Variants in ATXN10 observed in about 807,000 individuals in gnomAD.
ATXN10 encodes the protein ataxin-10.
Under a neutral mutation model 52.9 loss-of-function variants are expected in ATXN10, and 28 were observed. That is an observed-to-expected ratio of 0.53 (90% confidence interval 0.39 to 0.73). ATXN10 has a LOEUF of 0.73. ATXN10 is among the 30% of genes least tolerant of loss of function. The pLI, the probability that ATXN10 is intolerant of heterozygous loss-of-function variation, is 0.00. For synonymous variants in ATXN10, 226 were observed against 221.5 expected, an observed-to-expected ratio of 1.02 and a Z score of -0.18; for missense variants, 565 against 577.0, an observed-to-expected ratio of 0.98 and a Z score of 0.21.
Position 45,793,762 on chromosome 22 carries a change from C to T in ATXN10, c.1174-13197C>T, listed in dbSNP as rs762029947. ...TGCCACCCCCGATTCCTGCCTTTCC[C>T]CAGTGATGCAGGACAGGTAAGCCCC... On this transcript the variant is annotated intron_variant, in intron 9 of 11. Coordinates refer to ENST00000252934, the MANE Select transcript of ATXN10 (RefSeq NM_013236.4). 7.1e-6 allele frequency: 10 copies of T among 1,408,336 alleles called. No homozygotes were observed. In the South Asian group the frequency reaches 1.6e-4, roughly 23 times the overall value. The allele number at this position is 1,408,336 out of a possible 1,614,324, so 87.2% of individuals were successfully genotyped here.
chr22:45,782,985 C>G (rs1927202867), intron 9 of ATXN10, among the ~76,000 whole-genome samples: 1 of 152,186 alleles, frequency 6.6e-6, no homozygotes, highest in Admixed American at 6.5e-5. Context: ...CAATAGATTG[C>G]TTACAATTTC....
chr22:45,685,519 G>T (rs746750218), intron 1 of ATXN10, among the ~76,000 whole-genome samples: 1 of 152,146 alleles, frequency 6.6e-6, no homozygotes, highest in South Asian at 2.1e-4. Flanking sequence ...AATAACTTTT[G>T]TAATATTGGA....
rs1926314663 is a variant in ATXN10, at chr22:45,759,790, G to A, written c.1173+19252G>A. The stretch of plus-strand genomic sequence containing the variant: ...GAGCTAAGGGACCATATAACAGTCA[G>A]CACTGTCCATCGCTTGCTTCTCTCT... On this transcript the variant is annotated intron_variant, in intron 9 of 11. Transcript: ENST00000252934. This position sits in a 1 kb window ranked among gnomAD's most constrained non-coding sequence, Gnocchi z 5.4. 6.6e-6 allele frequency among the ~76,000 whole-genome samples: 1 copy of A among 152,198 alleles called. No homozygotes were observed. The highest frequency in any genetic ancestry group is 6.5e-5 in the Admixed American group (1 of 15,290).
chr22:45,795,441 C>T lies in ATXN10; in HGVS notation c.1174-11518C>T, dbSNP rs1927700436. 7.2e-6 allele frequency among the ~76,000 whole-genome samples: 1 copy of T among 138,460 alleles called. No individual in the cohort carries two copies. Among genetic ancestry groups the T allele is most frequent in the Admixed American group, 7.4e-5 (1 of 13,596 alleles). 90.8% of individuals were successfully genotyped at this position (138,460 alleles called of 152,430 possible). A position where few individuals can be genotyped will look rare whatever the true frequency, so the allele number is the denominator to read the frequency against. Reference sequence around the variant, plus strand: ...TTCTATTCTTTTTGAGATGAAGTCTCTCTATGTTGCCCAGGCTGGAGTGCA... The same window carrying T: ...TTCTATTCTTTTTGAGATGAAGTCTTTCTATGTTGCCCAGGCTGGAGTGCA... On this transcript the variant is annotated intron_variant, in intron 9 of 11. Transcript: ENST00000252934. The surrounding 1 kb of genome is among the most constrained non-coding windows in gnomAD (Gnocchi z 4.6).
Position 45,783,562 on chromosome 22 carries a change from C to T in ATXN10, c.1174-23397C>T, listed in dbSNP as rs148796279. Among the ~76,000 whole-genome samples, 6 of 152,330 alleles carry T rather than the reference C, an allele frequency of 3.9e-5. No homozygotes were observed. Among genetic ancestry groups the T allele is most frequent in the Non-Finnish European group, 5.9e-5 (4 of 68,036 alleles). On this transcript the variant is annotated intron_variant, in intron 9 of 11. Coordinates refer to ENST00000252934, the MANE Select transcript of ATXN10 (RefSeq NM_013236.4). This position sits in a 1 kb window ranked among gnomAD's most constrained non-coding sequence, Gnocchi z 5.0. ...TCAGGTGTCCTCTTCTGTATTCCTG[C>T]AGCCCTTCGTGTTTCCCTCCAGTGC...
At position 45,727,578 on chromosome 22, in the gene ATXN10, C is replaced by T. The variant is rs566539886; in HGVS notation, c.729-1847C>T. 3.6e-4 allele frequency among the ~76,000 whole-genome samples: 55 copies of T among 152,174 alleles called. No homozygotes were observed. Among genetic ancestry groups the T allele is most frequent in the African/African-American group, 1.3e-3 (52 of 41,504 alleles). On this transcript the variant is annotated intron_variant, in intron 6 of 11. Coordinates refer to ENST00000252934, the MANE Select transcript of ATXN10 (RefSeq NM_013236.4). The surrounding 1 kb of genome is among the most constrained non-coding windows in gnomAD (Gnocchi z 4.6). ...GTTTCACCATGTTGGCCAGGCTGGT[C>T]TCGAATGCCCGATCTCAGGTGATCC...
rs1927137586 is a variant in ATXN10 at position 45,781,193 on chromosome 22, A to C, written c.1174-25766A>C. On this transcript the variant is annotated intron_variant, in intron 9 of 11. Transcript: ENST00000252934. The surrounding 1 kb of genome is among the most constrained non-coding windows in gnomAD (Gnocchi z 4.2). Reference sequence around the variant, plus strand: ...GGCTGAATGGGGAGCCGAAACAGAAACCTTCCCCTGGTTATAATGAGGCAC... The same window carrying C: ...GGCTGAATGGGGAGCCGAAACAGAACCCTTCCCCTGGTTATAATGAGGCAC... Among the ~76,000 whole-genome samples the C allele has an allele frequency of 1.3e-5, 2 of 152,144 alleles. No homozygotes were observed. The highest frequency in any genetic ancestry group is 2.4e-5 in the African/African-American group (1 of 41,420).
rs1316677236 is a variant in ATXN10, at chr22:45,784,142, C to G, written c.1174-22817C>G. ...TCAGCCATTCTCTCTTTTCTGAAAA[C>G]CAGAAATAGTTACCTGCAATTTGTG... On this transcript the variant is annotated intron_variant, in intron 9 of 11. Coordinates refer to ENST00000252934, the MANE Select transcript of ATXN10 (RefSeq NM_013236.4). The surrounding 1 kb of genome is among the most constrained non-coding windows in gnomAD (Gnocchi z 4.2). Among the ~76,000 whole-genome samples the G allele has an allele frequency of 6.6e-6, 1 of 152,086 alleles. No individual in the cohort carries two copies. The highest frequency in any genetic ancestry group is 1.5e-5 in the Non-Finnish European group (1 of 68,012).
In ATXN10 at chr22:45,672,191, G is replaced by C; in HGVS notation, c.116+12G>C. The C allele has an allele frequency of 5.9e-6, 9 of 1,525,512 alleles. No individual in the cohort carries two copies. The highest frequency in any genetic ancestry group is 7.0e-6 in the Non-Finnish European group (8 of 1,139,134). The allele number at this position is 1,525,512 out of a possible 1,614,324, so 94.5% of individuals were successfully genotyped here. ...GAGCAGCGGAACCGGTAACGGGTCC[G>C]GCCGGGGGGCTGCCCCGGGCAGGGG... is the stretch of plus-strand genomic sequence containing the variant. On this transcript the variant is annotated intron_variant, in intron 1 of 11. Coordinates refer to ENST00000252934, the MANE Select transcript of ATXN10 (RefSeq NM_013236.4).
Position 45,823,108 on chromosome 22 carries a change from A to G in ATXN10, c.1237+16086A>G, listed in dbSNP as rs919255107. The G allele has an allele frequency of 1.9e-5, 9 of 467,746 alleles. No individual in the cohort carries two copies. Among genetic ancestry groups the G allele is most frequent in the African/African-American group, 1.6e-4 (8 of 49,930 alleles). The allele number at this position is 467,746 out of a possible 1,614,324, so 29.0% of individuals were successfully genotyped here. A position where few individuals can be genotyped will look rare whatever the true frequency, so the allele number is the denominator to read the frequency against. ...AAAATTTTTAAGTATACATCTTGAC[A>G]TAAGTACAGATGTATGTACGCATCA... On this transcript the variant is annotated intron_variant, in intron 10 of 11. Coordinates refer to ENST00000252934, the MANE Select transcript of ATXN10 (RefSeq NM_013236.4). The surrounding 1 kb of genome is among the most constrained non-coding windows in gnomAD (Gnocchi z 4.9).
intron 10 of ATXN10, among the ~76,000 whole-genome samples, chr22:45,832,551 T>C (rs866666084): frequency 1.6e-4 from 25 of 152,246 alleles, no homozygotes; most frequent in African/African-American, 5.5e-4. Context: ...CCTCTGCAAG[T>C]GCTAGAATGT....
chr22:45,720,238 C>G (rs887497096), intron 6 of ATXN10, among the ~76,000 whole-genome samples: 2 of 151,504 alleles, frequency 1.3e-5, no homozygotes, highest in African/African-American at 4.8e-5. Context: ...CCTATGGAAT[C>G]TTTGACTAGA....
chr22:45,785,610 T>C (rs1927296981), intron 9 of ATXN10, among the ~76,000 whole-genome samples: 1 of 152,186 alleles, frequency 6.6e-6, no homozygotes, highest in Non-Finnish European at 1.5e-5. Flanking sequence ...CAGTAGAGCT[T>C]TTTGGCCTGT....
At position 45,822,373 on chromosome 22, in the gene ATXN10, C is replaced by G. The variant is rs371339695; in HGVS notation, c.1237+15351C>G. On this transcript the variant is annotated intron_variant, in intron 10 of 11. Coordinates refer to ENST00000252934, the MANE Select transcript of ATXN10 (RefSeq NM_013236.4). ...TATCTTTATCTTAGATGATGCCAAA[C>G]TCTTCAGAGTAGTGGTACCTGTTTT... Among the ~76,000 whole-genome samples the G allele has an allele frequency of 7.2e-5, 11 of 152,216 alleles. No individual in the cohort carries two copies. The South Asian group carries it at 1.9e-3, about 26-fold the overall frequency.
chr22:45,798,528 T>G (rs1021477677), intron 9 of ATXN10, among the ~76,000 whole-genome samples: 3 of 152,122 alleles, frequency 2.0e-5, no homozygotes, highest in Non-Finnish European at 4.4e-5. Flanking sequence ...AACTTTCTCA[T>G]CCTGAAAAAG....
chr22:45,739,120 A>G lies in ATXN10; in HGVS notation c.1003+281A>G, dbSNP rs73441196. ...TGCATATAGTAGATGTTTCATCAAT[A>G]TAGGATGTGATGAAGAAGGTGGGGC... On this transcript the variant is annotated intron_variant, in intron 8 of 11. Coordinates refer to ENST00000252934, the MANE Select transcript of ATXN10 (RefSeq NM_013236.4). Among the ~76,000 whole-genome samples, 1,307 of 152,280 alleles carry G rather than the reference A, an allele frequency of 8.6e-3. 11 individuals carry two copies. Among genetic ancestry groups the G allele is most frequent in the African/African-American group, 0.029 (1,224 of 41,558 alleles).
intron 1 of ATXN10, chr22:45,672,498 T>G (rs1922503252): frequency 6.2e-6 from 1 of 160,696 alleles, no homozygotes; most frequent in Admixed American, 6.5e-5. Context: ...CCCTGTCATG[T>G]GCGAGGGCTG....
chr22:45,711,198 G>C (rs138153), intron 5 of ATXN10, among the ~76,000 whole-genome samples: 108,292 of 151,906 alleles, frequency 0.71, 38,663 homozygotes, highest in Admixed American at 0.76. Flanking sequence ...AAAGGAACAA[G>C]TGTTGGTACA....
intron 10 of ATXN10, among the ~76,000 whole-genome samples, chr22:45,827,360 C>T (rs1205309449): frequency 6.6e-6 from 1 of 151,996 alleles, no homozygotes; most frequent in Admixed American, 6.6e-5. Flanking sequence ...AATCAAAAGA[C>T]AGAGATTAAC....
Sources: allele counts gnomAD v4.1 joint callset (sites outside exome capture counted in the v4.1 genomes callset), GRCh38; gene constraint gnomAD v4.1.1; non-coding constraint Gnocchi (gnomAD v3.1); transcripts MANE v1.5; gene names NCBI Gene and HGNC (gene_info 2026-07-23, HGNC 2026-07-21).